CNTN4: variants seen among roughly 807,000 people sequenced by gnomAD.
CNTN4 encodes contactin-4.
In CNTN4, 77 loss-of-function variants were observed where a neutral mutation model predicts 122.5. The ratio of observed to expected loss-of-function variants is 0.63; its 90% CI spans 0.52 to 0.76. CNTN4 has a LOEUF of 0.76. Among genes scored for constraint, CNTN4 ranks in the 30% least tolerant of loss-of-function variants. The pLI is 0.00. For missense variants in CNTN4, 1,256 were observed against 1,259.1 expected, an observed-to-expected ratio of 1.00 and a Z score of 0.04; for synonymous variants, 512 against 447.0, an observed-to-expected ratio of 1.15 and a Z score of -1.83.
intron 2 of CNTN4, among the ~76,000 whole-genome samples, chr3:2,211,044 G>A (rs1465427187): frequency 1.3e-5 from 2 of 152,156 alleles, no homozygotes; most frequent in African/African-American, 4.8e-5. Flanking sequence ...TGTAAGAAAA[G>A]AGGTTTAATT....
At chr3:2,233,806 A>G (rs1397631421) in intron 2 of CNTN4, among the ~76,000 whole-genome samples, 1 of 152,188 alleles carries the variant, frequency 6.6e-6, no homozygotes, top group Non-Finnish European at 1.5e-5. Flanking sequence ...TTTTCTAAGA[A>G]AGTCAATGGA....
At chr3:2,133,711 A>T (rs1054861197) in intron 2 of CNTN4, among the ~76,000 whole-genome samples, 2 of 152,190 alleles carry the variant, frequency 1.3e-5, no homozygotes, top group Admixed American at 1.3e-4. Flanking sequence ...TTTATATTCT[A>T]ACATAGCGAA....
intron 12 of CNTN4, among the ~76,000 whole-genome samples, chr3:2,914,407 G>A (rs2094333195): frequency 6.6e-6 from 1 of 152,130 alleles, no homozygotes; most frequent in Non-Finnish European, 1.5e-5. Flanking sequence ...CAAACCCGTA[G>A]TAGACTGAGA....
intron 2 of CNTN4, among the ~76,000 whole-genome samples, chr3:2,222,073 A>G (rs1383802089): frequency 6.6e-6 from 1 of 152,206 alleles, no homozygotes; most frequent in African/African-American, 2.4e-5. Context: ...AAATGAAAAC[A>G]TAAATGAACA....
At chr3:2,188,224 G>T (rs1248670385) in intron 2 of CNTN4, among the ~76,000 whole-genome samples, 2 of 152,088 alleles carry the variant, frequency 1.3e-5, no homozygotes, top group Admixed American at 1.3e-4. Flanking sequence ...CAACATGGAA[G>T]TCCATGAGAG....
intron 3 of CNTN4, among the ~76,000 whole-genome samples, chr3:2,437,861 G>A (rs1413467050): frequency 6.6e-6 from 1 of 151,910 alleles, no homozygotes; most frequent in East Asian, 1.9e-4. Flanking sequence ...GATGTCTGGG[G>A]GTAATGGCTT....
intron 6 of CNTN4, among the ~76,000 whole-genome samples, chr3:2,815,681 C>A (rs1056437646): frequency 9.9e-5 from 15 of 152,014 alleles, no homozygotes; most frequent in African/African-American, 1.5e-4. Context: ...GTGGATATTC[C>A]TTAAAGAACT....
chr3:2,604,296 C>T (rs374399660), intron 4 of CNTN4, among the ~76,000 whole-genome samples: 1 of 152,094 alleles, frequency 6.6e-6, no homozygotes, highest in African/African-American at 2.4e-5. Context: ...CTTCCTGTGA[C>T]CCTCCTCTGA....
At chr3:2,791,567 A>G (rs543383498) in intron 6 of CNTN4, among the ~76,000 whole-genome samples, 4 of 152,150 alleles carry the variant, frequency 2.6e-5, no homozygotes, top group Admixed American at 6.5e-5. Context: ...TGAGCTCTAT[A>G]CAAACATAGT....
chr3:3,051,570 C>T lies in CNTN4; in HGVS notation c.2812-2237C>T, dbSNP rs369021908. Among the ~76,000 whole-genome samples the T allele has an allele frequency of 2.2e-4, 33 of 152,246 alleles. No homozygotes were observed. In the East Asian group the frequency reaches 3.3e-3, roughly 15 times the overall value. On this transcript the variant is annotated intron_variant, in intron 23 of 24. Transcript: ENST00000418658. ...CCATCAGCCCATTCTCCTGGAGGGC[C>T]GTGATGAGAAGCTTTGACACTCCTG...
intron 4 of CNTN4, among the ~76,000 whole-genome samples, chr3:2,714,802 A>G (rs977373494): frequency 1.3e-5 from 2 of 152,108 alleles, no homozygotes; most frequent in African/African-American, 2.4e-5. Context: ...CACTGGCACT[A>G]TTACAGCTCA....
At chr3:2,434,145 A>G (rs1223768440) in intron 3 of CNTN4, among the ~76,000 whole-genome samples, 3 of 152,192 alleles carry the variant, frequency 2.0e-5, no homozygotes, top group Admixed American at 2.0e-4. Flanking sequence ...TTGCTGAGTA[A>G]ATTTTAAATG....
At position 3,011,554 on chromosome 3, in the gene CNTN4, A is replaced by C. The variant is rs144135507; in HGVS notation, c.1487-14548A>C. Among the ~76,000 whole-genome samples, 3 of 152,324 alleles carry C rather than the reference A, an allele frequency of 2.0e-5. 1 individual carries two copies. The highest frequency in any genetic ancestry group is 4.1e-4 in the South Asian group (2 of 4,834). Reference sequence around the variant, plus strand: ...GAGCAAGAAGGCACCTGTGTCACTTATCTGGATGTTTGTACACTGTTCTGG... The same window carrying C: ...GAGCAAGAAGGCACCTGTGTCACTTCTCTGGATGTTTGTACACTGTTCTGG... On this transcript the variant is annotated intron_variant, in intron 14 of 24. Transcript: ENST00000418658.
chr3:2,812,285 G>A (rs1365278744), intron 6 of CNTN4, among the ~76,000 whole-genome samples: 2 of 152,052 alleles, frequency 1.3e-5, no homozygotes, highest in African/African-American at 4.8e-5. Context: ...TTTTAAAAAG[G>A]TAGACAAATA....
At chr3:3,051,091 G>A (rs1273598272) in intron 23 of CNTN4, among the ~76,000 whole-genome samples, 2 of 152,162 alleles carry the variant, frequency 1.3e-5, no homozygotes, top group South Asian at 2.1e-4. Flanking sequence ...TATCATTAGT[G>A]TTAGTGTATT....
chr3:2,148,891 C>T (rs558005911), intron 2 of CNTN4, among the ~76,000 whole-genome samples: 2 of 151,852 alleles, frequency 1.3e-5, no homozygotes, highest in East Asian at 3.9e-4. Flanking sequence ...TAACATTTAG[C>T]GGAATTACCT....
chr3:2,977,481 C>G (rs966339695), intron 13 of CNTN4, among the ~76,000 whole-genome samples: 1 of 152,070 alleles, frequency 6.6e-6, no homozygotes, highest in Admixed American at 6.5e-5. Context: ...CACCCCCAAA[C>G]TGTCTTTTAT....
chr3:2,166,603 A>G (rs1168995713), intron 2 of CNTN4, among the ~76,000 whole-genome samples: 1 of 152,180 alleles, frequency 6.6e-6, no homozygotes, highest in African/African-American at 2.4e-5. Context: ...CCTCAACTGC[A>G]AGGACAAAAA....
At chr3:2,571,202 C>T in intron 3 of CNTN4, 1 of 452,876 alleles carries the variant, frequency 2.2e-6, no homozygotes, top group Non-Finnish European at 4.0e-6. Flanking sequence ...GCCACAGGGA[C>T]ACTTCAGCTC....
Sources: allele counts gnomAD v4.1 joint callset (sites outside exome capture counted in the v4.1 genomes callset), GRCh38; gene constraint gnomAD v4.1.1; transcripts MANE v1.5; gene names NCBI Gene and HGNC (gene_info 2026-07-23, HGNC 2026-07-21).